Variants in PAMR1 observed in about 807,000 individuals in gnomAD.
PAMR1 encodes peptidase domain containing associated with muscle regeneration 1.
PAMR1 carries 88 observed loss-of-function variants against 81.8 expected under a neutral mutation model. The observed-to-expected ratio is 1.08, with a 90% CI of 0.91 to 1.28. The LOEUF (loss-of-function observed/expected upper bound fraction) is 1.28, where lower values mean the gene tolerates loss of function less well. PAMR1 is among the 50% of genes most tolerant of loss of function. PAMR1 has a pLI of 0.00. For synonymous variants in PAMR1, 336 were observed against 345.3 expected (o/e 0.97, Z 0.30); for missense variants, 935 against 919.7 (o/e 1.02, Z -0.21).
At chr11:35,480,124 G>A (rs756222984) in intron 3 of PAMR1, among the ~76,000 whole-genome samples, 3 of 152,096 alleles carry the variant, frequency 2.0e-5, no homozygotes, top group East Asian at 1.9e-4. Context: ...CTCTGCCTCC[G>A]CCAAGTCAGT....
chr11:35,525,034 G>A (rs1208947900), intron 1 of PAMR1, among the ~76,000 whole-genome samples: 1 of 152,094 alleles, frequency 6.6e-6, no homozygotes, highest in Non-Finnish European at 1.5e-5. Context: ...GTAGGAGTTC[G>A]TGAAGCAAGA....
At chr11:35,447,377 C>A (rs1174165446) in intron 6 of PAMR1, among the ~76,000 whole-genome samples, 1 of 151,814 alleles carries the variant, frequency 6.6e-6, no homozygotes, top group African/African-American at 2.4e-5. Context: ...TAATTTTTTT[C>A]TATTTTTTAG....
chr11:35,518,826 C>T (rs901498250), intron 1 of PAMR1, among the ~76,000 whole-genome samples: 4 of 152,090 alleles, frequency 2.6e-5, no homozygotes, highest in Admixed American at 6.5e-5. Flanking sequence ...TTTTAACCCA[C>T]CATCAATTCA....
intron 1 of PAMR1, among the ~76,000 whole-genome samples, chr11:35,516,448 C>T (rs893851557): frequency 3.9e-5 from 6 of 152,246 alleles, no homozygotes; most frequent in African/African-American, 1.4e-4. Flanking sequence ...TCCCAAAATC[C>T]ACTTAGGCAA....
intron 3 of PAMR1, among the ~76,000 whole-genome samples, chr11:35,480,294 C>T (rs1254961894): frequency 6.6e-6 from 1 of 152,184 alleles, no homozygotes. Flanking sequence ...GAAAGAATAG[C>T]ATCTACCACT....
chr11:35,507,062 T>C (rs1850976343), intron 1 of PAMR1, among the ~76,000 whole-genome samples: 1 of 93,108 alleles, frequency 1.1e-5, no homozygotes, highest in Non-Finnish European at 2.2e-5. Flanking sequence ...TTTTTTTTTT[T>C]TTTGACAGAG....
intron 1 of PAMR1, 84 bp downstream of exon 1, chr11:35,525,429 G>A (rs1851367584): frequency 7.0e-6 from 8 of 1,144,292 alleles, no homozygotes; most frequent in Non-Finnish European, 9.1e-6. Context: ...GAGACTCCCA[G>A]TCCTGCTCCC....
chr11:35,472,617 C>A (rs1459497826), intron 4 of PAMR1, among the ~76,000 whole-genome samples: 1 of 152,122 alleles, frequency 6.6e-6, no homozygotes, highest in Non-Finnish European at 1.5e-5. Context: ...TCAAAGAAGC[C>A]CCCTCTGAGG....
At chr11:35,521,961 C>T (rs949369193) in intron 1 of PAMR1, among the ~76,000 whole-genome samples, 1 of 151,490 alleles carries the variant, frequency 6.6e-6, no homozygotes, top group East Asian at 1.9e-4. Context: ...CTCACTCTGT[C>T]GCCCAAGCTG....
chr11:35,527,441 C>T (rs1231181449), upstream of PAMR1, among the ~76,000 whole-genome samples: 1 of 152,186 alleles, frequency 6.6e-6, no homozygotes, highest in Non-Finnish European at 1.5e-5. Context: ...AAGAACATCT[C>T]ATGGTATGAG....
At chr11:35,442,910 CT>C (rs563500907) in intron 6 of PAMR1, among the ~76,000 whole-genome samples, 3 of 151,908 alleles carry the variant, frequency 2.0e-5, no homozygotes, top group Non-Finnish European at 4.4e-5. Context: ...ACCTTAGTTT[CT>C]TTTTTTTAAT....
intron 3 of PAMR1, among the ~76,000 whole-genome samples, chr11:35,476,877 G>A (rs760564457): frequency 6.6e-6 from 1 of 151,796 alleles, no homozygotes; most frequent in Non-Finnish European, 1.5e-5. Flanking sequence ...CCTAGACACA[G>A]CCTACTTTCT....
At chr11:35,508,764 A>G (rs1851022885) in intron 1 of PAMR1, among the ~76,000 whole-genome samples, 1 of 151,464 alleles carries the variant, frequency 6.6e-6, no homozygotes, top group African/African-American at 2.4e-5. Context: ...ATGTGTACTC[A>G]CTGTTTAACT....
At chr11:35,472,149 A>T (rs753400002) in intron 4 of PAMR1, among the ~76,000 whole-genome samples, 5 of 152,202 alleles carry the variant, frequency 3.3e-5, no homozygotes, top group Admixed American at 2.0e-4. Context: ...CTGCTCTAAC[A>T]TCTAAGAGGA....
intron 6 of PAMR1, among the ~76,000 whole-genome samples, chr11:35,443,045 T>C (rs963608407): frequency 2.6e-5 from 4 of 152,166 alleles, no homozygotes; most frequent in Admixed American, 1.3e-4. Flanking sequence ...TTGATTATAA[T>C]ATCCAGTAGT....
rs548066189 is a variant in PAMR1 at position 35,485,759 on chromosome 11, G to A, written c.379+6286C>T. On this transcript the variant is annotated intron_variant, in intron 3 of 10. Coordinates refer to ENST00000619888, the MANE Select transcript of PAMR1 (RefSeq NM_001001991.3). The stretch of plus-strand genomic sequence containing the variant: ...GCTCTGATCCTTCTGGCACTTGCCC[G>A]CCACTCCTCCCTCCTTCTAAGGCTC... Among the ~76,000 whole-genome samples the A allele has an allele frequency of 5.3e-5, 8 of 151,884 alleles. No homozygotes were observed. In the East Asian group the frequency reaches 1.6e-3, roughly 29 times the overall value.
intron 1 of PAMR1, among the ~76,000 whole-genome samples, chr11:35,523,896 A>T (rs1395511191): frequency 6.6e-6 from 1 of 152,242 alleles, no homozygotes; most frequent in Non-Finnish European, 1.5e-5. Context: ...GGTCAGAAAT[A>T]AATGGATTTT....
chr11:35,487,545 A>G lies in PAMR1; in HGVS notation c.379+4500T>C, dbSNP rs151276257. Among the ~76,000 whole-genome samples, 5 of 152,260 alleles carry G rather than the reference A, an allele frequency of 3.3e-5. No homozygotes were observed. The East Asian group carries it at 9.6e-4, about 29-fold the overall frequency. ...AACTGACTGCATCACCTCCCTAGGAACTCTGGCTTCGACTGGGTCCTCCGT... is the reference window on the plus strand; with the variant it reads ...AACTGACTGCATCACCTCCCTAGGAGCTCTGGCTTCGACTGGGTCCTCCGT... On this transcript the variant is annotated intron_variant, in intron 3 of 10. Transcript: ENST00000619888.
At position 35,466,080 on chromosome 11, in the gene PAMR1, T is replaced by C. The variant is rs551980971; in HGVS notation, c.820+1921A>G. Among the ~76,000 whole-genome samples the C allele has an allele frequency of 1.4e-4, 21 of 152,360 alleles. No homozygotes were observed. The East Asian group carries it at 3.9e-3, about 28-fold the overall frequency. On this transcript the variant is annotated intron_variant, in intron 6 of 10. Transcript: ENST00000619888. The stretch of plus-strand genomic sequence containing the variant: ...TTACTTCTTTCCAATTCTATTTTTT[T>C]TTTTTTATCAAAGTATTGTGTAATT...
Sources: gnomAD v4.1 joint callset for allele counts (sites outside exome capture counted in the v4.1 genomes callset) on GRCh38, gnomAD v4.1.1 for gene constraint, MANE v1.5 for transcripts, NCBI Gene and HGNC (gene_info 2026-07-23, HGNC 2026-07-21) for gene names.